Variants in B4GALT5 observed in about 807,000 individuals in gnomAD.
B4GALT5 encodes UDP-Gal:beta-GlcNAc beta-1,4-galactosyltransferase 5.
Under a neutral mutation model 45.0 loss-of-function variants are expected in B4GALT5, and 11 were observed. The observed-to-expected ratio is 0.24, with a 90% confidence interval of 0.15 to 0.40. B4GALT5 has a LOEUF of 0.40. B4GALT5 is among the 10% of genes least tolerant of loss of function. The probability of loss-of-function intolerance (pLI) is 1.00; values close to 1 mark genes in which losing one functional copy is unlikely to be tolerated. For synonymous variants in B4GALT5, 185 were observed against 182.9 expected (o/e 1.01, Z -0.09); for missense variants, 337 against 500.2 (o/e 0.67, Z 3.11).
chr20:49,701,714 T>A (rs2085862832), intron 1 of B4GALT5, among the ~76,000 whole-genome samples: 1 of 152,184 alleles, frequency 6.6e-6, no homozygotes, highest in Non-Finnish European at 1.5e-5. Flanking sequence ...AGGGTCTTTA[T>A]TGTAACTACT....
At chr20:49,642,929 T>C (rs1230428838) in intron 4 of B4GALT5, among the ~76,000 whole-genome samples, 2 of 152,228 alleles carry the variant, frequency 1.3e-5, no homozygotes, top group African/African-American at 2.4e-5. Context: ...CAATGTGCAA[T>C]GTACAAATGC....
intron 1 of B4GALT5, among the ~76,000 whole-genome samples, chr20:49,692,847 G>A (rs1306711589): frequency 6.6e-6 from 1 of 152,118 alleles, no homozygotes; most frequent in South Asian, 2.1e-4. Flanking sequence ...AAAATGTTGC[G>A]ATTCTTCAGA....
intron 1 of B4GALT5, among the ~76,000 whole-genome samples, chr20:49,685,247 A>G (rs1450594727): frequency 6.6e-6 from 1 of 152,206 alleles, no homozygotes; most frequent in African/African-American, 2.4e-5. Context: ...CATGTGTATC[A>G]CAGACCTAGG....
At chr20:49,669,786 T>C (rs1484841657) in intron 1 of B4GALT5, among the ~76,000 whole-genome samples, 1 of 151,782 alleles carries the variant, frequency 6.6e-6, no homozygotes, top group Admixed American at 6.6e-5. Context: ...AGAAGTATAC[T>C]GGTTTTTCTG....
At chr20:49,694,174 A>G (rs1454508608) in intron 1 of B4GALT5, among the ~76,000 whole-genome samples, 3 of 152,208 alleles carry the variant, frequency 2.0e-5, no homozygotes, top group African/African-American at 7.2e-5. Flanking sequence ...TAGAAAAAGT[A>G]TGTTCCTCAT....
intron 7 of B4GALT5, among the ~76,000 whole-genome samples, chr20:49,638,481 TCACA>T (rs999536707): frequency 5.3e-5 from 8 of 152,220 alleles, no homozygotes; most frequent in African/African-American, 1.9e-4. Context: ...TTTATTCCAC[TCACA>T]CACAGGATTG....
At position 49,656,637 on chromosome 20, in the gene B4GALT5, C is replaced by T. The variant is rs2273086; in HGVS notation, c.181G>A (p.Gly61Ser). 33,371 of 1,614,052 alleles carry T rather than the reference C, an allele frequency of 0.021. 561 individuals carry two copies. The highest frequency in any genetic ancestry group is 0.093 in the East Asian group (4,194 of 44,878). Residue 61 changes from glycine (G) to serine (S), a missense_variant, in exon 2 of 9, where the codon GGT (glycine) becomes AGT (serine). Coordinates refer to ENST00000371711, the MANE Select transcript of B4GALT5 (RefSeq NM_004776.4). ...AGCACCTGCTCATAAACCTGAGCAC[C>T]GATTGTTCTCACGTTGTCCCGGATC... Reference protein sequence around the residue: ...ILIRDNVRTIGAQVYEQVLRS... With the variant: ...ILIRDNVRTISAQVYEQVLRS...
intron 1 of B4GALT5, among the ~76,000 whole-genome samples, chr20:49,676,427 G>C (rs1257994257): frequency 6.6e-6 from 1 of 152,164 alleles, no homozygotes; most frequent in East Asian, 1.9e-4. Context: ...AGTAATTTCT[G>C]AGATTATGTC....
At chr20:49,710,145 T>C (rs979986973) in intron 1 of B4GALT5, among the ~76,000 whole-genome samples, 1 of 152,216 alleles carries the variant, frequency 6.6e-6, no homozygotes, top group Non-Finnish European at 1.5e-5. Flanking sequence ...TCTGAATCTC[T>C]TGGAGTGATG....
chr20:49,672,643 C>T (rs1000684130), intron 1 of B4GALT5, among the ~76,000 whole-genome samples: 2 of 152,064 alleles, frequency 1.3e-5, no homozygotes, highest in Non-Finnish European at 2.9e-5. Context: ...AGACCCAAGT[C>T]CACAGAAACA....
chr20:49,708,788 C>T (rs767326414), intron 1 of B4GALT5, among the ~76,000 whole-genome samples: 28 of 151,966 alleles, frequency 1.8e-4, no homozygotes, highest in African/African-American at 6.5e-4. Context: ...AAAAATTAGC[C>T]GGGTGTGGTG....
At chr20:49,698,506 A>ATT (rs2085848726) in intron 1 of B4GALT5, among the ~76,000 whole-genome samples, 2 of 152,174 alleles carry the variant, frequency 1.3e-5, no homozygotes, top group African/African-American at 4.8e-5. Flanking sequence ...GATTTCTAAT[A>ATT]CTTTAAACCA....
rs997090705 is a variant in B4GALT5, at chr20:49,636,170, T to G, written c.*142A>C. ...AGGCGTTTGTGCGTGTGCTGTCACA[T>G]TTTCCCCCTGAACTCTGTGATCCTT... On this transcript the variant is annotated 3_prime_UTR_variant, in exon 9 of 9. Transcript: ENST00000371711. 8.8e-7 allele frequency: 1 copy of G among 1,135,838 alleles called. No individual in the cohort carries two copies. The highest frequency in any genetic ancestry group is 1.5e-5 in the South Asian group (1 of 64,926). The allele number at this position is 1,135,838 out of a possible 1,614,324, so 70.4% of individuals were successfully genotyped here. A position where few individuals can be genotyped will look rare whatever the true frequency, so the allele number is the denominator to read the frequency against.
chr20:49,649,952 TAAAC>T (rs2085614536), intron 2 of B4GALT5, among the ~76,000 whole-genome samples: 3 of 152,148 alleles, frequency 2.0e-5, no homozygotes, highest in Non-Finnish European at 4.4e-5. Context: ...TATATTTTCA[TAAAC>T]AAATCAACAA....
chr20:49,694,619 A>G (rs2085830049), intron 1 of B4GALT5, among the ~76,000 whole-genome samples: 1 of 150,176 alleles, frequency 6.7e-6, no homozygotes, highest in African/African-American at 2.5e-5. Flanking sequence ...CCTTGGTGAC[A>G]CAGCAAGGCC....
chr20:49,684,473 G>A (rs538264788), intron 1 of B4GALT5: 151 of 481,682 alleles, frequency 3.1e-4, no homozygotes, highest in Admixed American at 1.1e-3. Context: ...TGAGACAGCA[G>A]AATGGTGTGA....
chr20:49,652,366 T>C (rs566917263), intron 2 of B4GALT5, among the ~76,000 whole-genome samples: 1 of 138,372 alleles, frequency 7.2e-6, no homozygotes, highest in Non-Finnish European at 1.6e-5. Context: ...AACACTTGCC[T>C]CTCTGCTTGA....
At chr20:49,639,618 G>C in intron 7 of B4GALT5, 60 bp downstream of exon 7, 1 of 1,597,754 alleles carries the variant, frequency 6.3e-7, no homozygotes, top group Non-Finnish European at 8.6e-7. Context: ...CTATCGGATA[G>C]TATTGGTCTG....
At chr20:49,639,006 C>T (rs1459894354) in intron 7 of B4GALT5, among the ~76,000 whole-genome samples, 1 of 152,146 alleles carries the variant, frequency 6.6e-6, no homozygotes, top group Non-Finnish European at 1.5e-5. Flanking sequence ...GAGCTCTATA[C>T]ACATTACATC....
Sources: gnomAD v4.1 joint callset for allele counts (sites outside exome capture counted in the v4.1 genomes callset) on GRCh38, gnomAD v4.1.1 for gene constraint, MANE v1.5 for transcripts, NCBI Gene and HGNC (gene_info 2026-07-23, HGNC 2026-07-21) for gene names.